The following PXT1 variants were observed in gnomAD, a reference collection of about 807,000 sequenced individuals.
PXT1 encodes the protein peroxisomal testis-specific protein 1.
Under a neutral mutation model 11.0 loss-of-function variants are expected in PXT1, and 11 were observed. That is an observed-to-expected ratio of 1.00 (90% CI 0.63 to 1.66). The LOEUF is 1.66. PXT1 is among the 40% of genes most tolerant of loss of function. The probability of loss-of-function intolerance (pLI) is 0.00; values close to 1 mark genes in which losing one functional copy is unlikely to be tolerated. For missense variants in PXT1, 141 were observed against 155.5 expected (o/e 0.91, Z 0.49); for synonymous variants, 43 against 51.4 (o/e 0.84, Z 0.70).
At position 36,391,799 on chromosome 6, in the gene PXT1, G is replaced by A. The variant is rs753105211; in HGVS notation, c.376C>T (p.His126Tyr). Reference protein sequence around the residue: ...FFFRRVQVLLHFFWNNHLL With the variant: ...FFFRRVQVLLYFFWNNHLL ...AGCAAATGGTTGTTCCAGAAAAAAT[G>A]CAGCAACACCTGAACTCTTCTAAAG... is the stretch of plus-strand genomic sequence containing the variant. The change falls in exon 5 of 5, where the codon CAT (histidine) becomes TAT (tyrosine). Residue 126 changes from histidine (H) to tyrosine (Y), a missense_variant. His to Tyr is a moderately conservative substitution (Grantham distance 83). Transcript: ENST00000454782. 9.9e-6 allele frequency: 16 copies of A among 1,613,400 alleles called. No homozygotes were observed. Among genetic ancestry groups the A allele is most frequent in the Admixed American group, 1.7e-5 (1 of 59,986 alleles).
chr6:36,440,825 T>G (rs1420979997), intron 1 of PXT1, among the ~76,000 whole-genome samples: 1 of 152,186 alleles, frequency 6.6e-6, no homozygotes, highest in East Asian at 1.9e-4. Context: ...AAAAGTCATG[T>G]TATCACTTAT....
intron 3 of PXT1, among the ~76,000 whole-genome samples, chr6:36,419,105 T>C (rs1774489870): frequency 6.6e-6 from 1 of 152,122 alleles, no homozygotes; most frequent in Non-Finnish European, 1.5e-5. Flanking sequence ...AATAACACCC[T>C]AATGATTAGT....
intron 1 of PXT1, among the ~76,000 whole-genome samples, chr6:36,440,300 G>A (rs992955877): frequency 2.0e-5 from 3 of 152,168 alleles, no homozygotes; most frequent in African/African-American, 7.2e-5. Flanking sequence ...ACCGGGCGTG[G>A]TGGCTTGCGC....
intron 2 of PXT1, among the ~76,000 whole-genome samples, chr6:36,430,106 C>G (rs1474824763): frequency 1.3e-5 from 2 of 151,780 alleles, no homozygotes; most frequent in Non-Finnish European, 2.9e-5. Flanking sequence ...ACTTGGGAGG[C>G]TGAGGCAGGA....
At chr6:36,404,280 C>T (rs1774256875) in intron 3 of PXT1, among the ~76,000 whole-genome samples, 1 of 152,188 alleles carries the variant, frequency 6.6e-6, no homozygotes, top group African/African-American at 2.4e-5. Context: ...TTTCAGTCAA[C>T]CACGGATCAC....
At chr6:36,427,555 G>A (rs1477870276) in intron 2 of PXT1, among the ~76,000 whole-genome samples, 3 of 151,928 alleles carry the variant, frequency 2.0e-5, no homozygotes, top group Admixed American at 6.6e-5. Flanking sequence ...TTTTCTAGTA[G>A]CTACATTTAA....
chr6:36,418,114 T>C (rs1774476731), intron 3 of PXT1, among the ~76,000 whole-genome samples: 1 of 151,638 alleles, frequency 6.6e-6, no homozygotes, highest in Non-Finnish European at 1.5e-5. Context: ...GAGAATGGCG[T>C]GAACCCAGGA....
chr6:36,393,711 G>A lies in PXT1; in HGVS notation c.301-1837C>T, dbSNP rs181416749. Among the ~76,000 whole-genome samples the A allele has an allele frequency of 2.5e-3, 356 of 144,542 alleles. 1 individual carries two copies. The highest frequency in any genetic ancestry group is 8.8e-3 in the African/African-American group (344 of 39,288). The allele number at this position is 144,542 out of a possible 152,430, so 94.8% of individuals were successfully genotyped here. On this transcript the variant is annotated intron_variant, in intron 4 of 4. Transcript: ENST00000454782. Reference sequence around the variant, plus strand: ...ATGGCATTCTAGCCTGGATGACAGAGTGAGACTATGCCTCAAAAAAAAAAA... The same window carrying A: ...ATGGCATTCTAGCCTGGATGACAGAATGAGACTATGCCTCAAAAAAAAAAA...
Position 36,437,043 on chromosome 6 carries a change from TG to T in PXT1, c.-10+1723del, listed in dbSNP as rs1230386395. ...GCTCATGCCTGTAATCCCAGCACTTTGGGAGGCTGAGGTGGGCGGATCACTT... is the reference window on the plus strand; with the variant it reads ...GCTCATGCCTGTAATCCCAGCACTTTGGAGGCTGAGGTGGGCGGATCACTT... On this transcript the variant is annotated intron_variant, in intron 2 of 4. Coordinates refer to ENST00000454782, the MANE Select transcript of PXT1 (RefSeq NM_152990.4). Among the ~76,000 whole-genome samples, 3 of 152,144 alleles carry T rather than the reference TG, an allele frequency of 2.0e-5. No individual in the cohort carries two copies. In the East Asian group the frequency reaches 5.8e-4, roughly 29 times the overall value.
chr6:36,432,744 T>TTA (rs1774710342), intron 2 of PXT1, among the ~76,000 whole-genome samples: 1 of 152,196 alleles, frequency 6.6e-6, no homozygotes, highest in Non-Finnish European at 1.5e-5. Flanking sequence ...AATCAAGCTA[T>TTA]ACTTTTACTT....
At chr6:36,410,764 G>T (rs374760942) in intron 3 of PXT1, among the ~76,000 whole-genome samples, 14 of 152,248 alleles carry the variant, frequency 9.2e-5, no homozygotes, top group African/African-American at 3.1e-4. Context: ...GGGACATGGA[G>T]CCAGAAACTA....
chr6:36,414,446 A>G (rs140979818), intron 3 of PXT1, among the ~76,000 whole-genome samples: 10 of 152,374 alleles, frequency 6.6e-5, no homozygotes, highest in African/African-American at 2.4e-4. Flanking sequence ...TTATGGTCCA[A>G]ATATGAAGCA....
intron 3 of PXT1, among the ~76,000 whole-genome samples, chr6:36,407,288 T>G (rs927290976): frequency 2.0e-5 from 3 of 152,204 alleles, no homozygotes; most frequent in Non-Finnish European, 1.5e-5. Flanking sequence ...CACCATATTG[T>G]AAGAAACATT....
At chr6:36,409,027 G>A (rs958900112) in intron 3 of PXT1, among the ~76,000 whole-genome samples, 1 of 152,170 alleles carries the variant, frequency 6.6e-6, no homozygotes, top group Non-Finnish European at 1.5e-5. Context: ...AACATGGTGT[G>A]AAGGTTTTAT....
rs1170646864 is a variant in PXT1 at position 36,419,104 on chromosome 6, C to G, written c.169+6810G>C. Among the ~76,000 whole-genome samples the G allele has an allele frequency of 2.0e-5, 3 of 152,230 alleles. No homozygotes were observed. In the East Asian group the frequency reaches 5.8e-4, roughly 29 times the overall value. The stretch of plus-strand genomic sequence containing the variant: ...CTTCAAACCATTTTGAAATAACACC[C>G]TAATGATTAGTTGACAATCACCTGA... On this transcript the variant is annotated intron_variant, in intron 3 of 4. Transcript: ENST00000454782.
chr6:36,394,886 C>G (rs925841488), intron 4 of PXT1, among the ~76,000 whole-genome samples: 1 of 152,050 alleles, frequency 6.6e-6, no homozygotes, highest in Non-Finnish European at 1.5e-5. Context: ...ACTACGGCCT[C>G]GAATTCCTGG....
At chr6:36,413,970 G>T (rs534575657) in intron 3 of PXT1, among the ~76,000 whole-genome samples, 1 of 152,314 alleles carries the variant, frequency 6.6e-6, no homozygotes, top group African/African-American at 2.4e-5. Flanking sequence ...CTGCACTCAA[G>T]CCTGGGAAAC....
intron 3 of PXT1, among the ~76,000 whole-genome samples, chr6:36,413,526 TAGA>T (rs1774405890): frequency 1.3e-5 from 2 of 152,080 alleles, no homozygotes; most frequent in South Asian, 4.2e-4. Context: ...CAAGGATAAA[TAGA>T]AGGAGACTCT....
intron 3 of PXT1, among the ~76,000 whole-genome samples, chr6:36,417,637 G>GT (rs1179130014): frequency 6.7e-6 from 1 of 149,546 alleles, no homozygotes; most frequent in Non-Finnish European, 1.5e-5. Context: ...GCGTGGTGGT[G>GT]TACGCCTGCA....
Sources: gnomAD v4.1 joint callset for allele counts (sites outside exome capture counted in the v4.1 genomes callset) on GRCh38, gnomAD v4.1.1 for gene constraint, MANE v1.5 for transcripts, NCBI Gene and HGNC (gene_info 2026-07-23, HGNC 2026-07-21) for gene names.